Variants in LPCAT3 observed in about 807,000 individuals in gnomAD.
LPCAT3 encodes the protein lysophospholipid acyltransferase 5.
Under a neutral mutation model 63.4 loss-of-function variants are expected in LPCAT3, and 21 were observed. The ratio of observed to expected loss-of-function variants is 0.33; its 90% CI spans 0.23 to 0.48. The LOEUF is 0.48. LPCAT3 is among the 20% of genes least tolerant of loss of function. The pLI, the probability that LPCAT3 is intolerant of heterozygous loss-of-function variation, is 0.99. For synonymous variants in LPCAT3, 242 were observed against 227.5 expected, an observed-to-expected ratio of 1.06 and a Z score of -0.58; for missense variants, 451 against 590.6, an observed-to-expected ratio of 0.76 and a Z score of 2.45.
intron 1 of LPCAT3, among the ~76,000 whole-genome samples, chr12:6,996,022 T>C (rs1397049590): frequency 2.6e-5 from 4 of 152,176 alleles, no homozygotes; most frequent in African/African-American, 9.7e-5. Context: ...AGTCAGCAGG[T>C]CACTCCTCTG....
At chr12:6,995,535 C>T (rs1016663853) in intron 1 of LPCAT3, among the ~76,000 whole-genome samples, 1 of 151,932 alleles carries the variant, frequency 6.6e-6, no homozygotes, top group African/African-American at 2.4e-5. Context: ...GTCATGAAAT[C>T]CTGTTGATTC....
At chr12:6,982,831 C>T (rs1565598744) in intron 2 of LPCAT3, 49 bp from the exon 3 acceptor site, 3 of 1,211,460 alleles carry the variant, frequency 2.5e-6, no homozygotes, top group Admixed American at 1.8e-5. Flanking sequence ...CTCCCACCGT[C>T]CTGAGACTTC....
At chr12:6,990,688 C>G (rs782424912) in intron 1 of LPCAT3, among the ~76,000 whole-genome samples, 2 of 150,944 alleles carry the variant, frequency 1.3e-5, no homozygotes, top group Non-Finnish European at 3.0e-5. Context: ...TTTGGGAGGC[C>G]GAGGTGGGTG....
At chr12:7,002,179 T>C (rs1946692760) in intron 1 of LPCAT3, among the ~76,000 whole-genome samples, 1 of 152,106 alleles carries the variant, frequency 6.6e-6, no homozygotes, top group African/African-American at 2.4e-5. Context: ...CCTTCTGATC[T>C]TTCTCTCCTG....
In LPCAT3 at chr12:7,018,296, C is replaced by T. The variant is rs1468971856; in HGVS notation, c.129G>A (p.Arg43=). The change falls in exon 1 of 13, where the codon CGG becomes CGA. Residue 43 remains arginine, a synonymous_variant. Transcript: ENST00000261407. The surrounding 1 kb of genome is among the most constrained non-coding windows in gnomAD (Gnocchi z 4.9). ...TACCCAGGAAGATGGAGATGATCAGCCGCAGCGCCTGTTCTGACGCGCCCA... is the reference window on the plus strand; with the variant it reads ...TACCCAGGAAGATGGAGATGATCAGTCGCAGCGCCTGTTCTGACGCGCCCA... ...TSLGASEQAL[R]LIISIFLGYP... 4.4e-6 allele frequency: 7 copies of T among 1,605,580 alleles called. No homozygotes were observed. Among genetic ancestry groups the T allele is most frequent in the Non-Finnish European group, 5.9e-6 (7 of 1,176,472 alleles).
intron 1 of LPCAT3, among the ~76,000 whole-genome samples, chr12:7,010,315 A>C (rs1946753245): frequency 6.6e-6 from 1 of 152,178 alleles, no homozygotes; most frequent in Admixed American, 6.5e-5. Context: ...GTAGCTGGAA[A>C]GCTCCTCCGC....
Position 6,987,647 on chromosome 12 carries a change from C to T in LPCAT3, c.152-4108G>A. 1 of 394,540 alleles carries T rather than the reference C, an allele frequency of 2.5e-6. No individual in the cohort carries two copies. 24.4% of individuals were successfully genotyped at this position (394,540 alleles called of 1,614,324 possible). On this transcript the variant is annotated intron_variant, in intron 1 of 12. Coordinates refer to ENST00000261407, the MANE Select transcript of LPCAT3 (RefSeq NM_005768.6). The surrounding 1 kb of genome is among the most constrained non-coding windows in gnomAD (Gnocchi z 4.1). ...ACAGTAGATAATTATCTAGAGCACT[C>T]ATAAATAAGTTCTAGGTAGCTAAGT...
At chr12:7,010,912 A>G (rs191549305) in intron 1 of LPCAT3, among the ~76,000 whole-genome samples, 2 of 152,106 alleles carry the variant, frequency 1.3e-5, no homozygotes, top group East Asian at 3.9e-4. Context: ...ATCATAGTTC[A>G]CTGCAGTCTC....
intron 1 of LPCAT3, among the ~76,000 whole-genome samples, chr12:6,995,167 C>T (rs1173328852): frequency 5.3e-5 from 8 of 150,362 alleles, no homozygotes; most frequent in African/African-American, 2.0e-4. Context: ...CTCCAGGTCA[C>T]ACAACATTCA....
chr12:7,015,261 T>C (rs1490941758), intron 1 of LPCAT3, among the ~76,000 whole-genome samples: 2 of 152,250 alleles, frequency 1.3e-5, no homozygotes, highest in African/African-American at 4.8e-5. Flanking sequence ...AACTCTTCCC[T>C]TGGGGTATTT....
At chr12:6,999,715 AGGCACTTTAAGACATCTAAAT>A (rs1331308429) in intron 1 of LPCAT3, among the ~76,000 whole-genome samples, 1 of 152,208 alleles carries the variant, frequency 6.6e-6, no homozygotes, top group African/African-American at 2.4e-5. Flanking sequence ...CAACAGATTG[AGGCACTTTAAGACATCTAAAT>A]GGCTTTACTA....
intron 1 of LPCAT3, among the ~76,000 whole-genome samples, chr12:6,995,499 T>A (rs192860423): frequency 6.6e-6 from 1 of 151,934 alleles, no homozygotes; most frequent in East Asian, 1.9e-4. Flanking sequence ...GTGTTTTCCT[T>A]CTTCATATTG....
chr12:7,004,969 A>G (rs748708087), intron 1 of LPCAT3, among the ~76,000 whole-genome samples: 1 of 152,056 alleles, frequency 6.6e-6, no homozygotes, highest in Non-Finnish European at 1.5e-5. Context: ...TAAGTGTACA[A>G]TTCAGTGGAT....
At chr12:6,980,294 T>C (rs1397487400) in intron 6 of LPCAT3, among the ~76,000 whole-genome samples, 2 of 151,804 alleles carry the variant, frequency 1.3e-5, no homozygotes, top group African/African-American at 4.8e-5. Context: ...CCTCCTGCCT[T>C]GGCCTCCCAG....
intron 1 of LPCAT3, among the ~76,000 whole-genome samples, chr12:7,015,171 T>TA (rs1228324085): frequency 6.6e-6 from 1 of 152,094 alleles, no homozygotes; most frequent in Non-Finnish European, 1.5e-5. Flanking sequence ...AGAACTGAAG[T>TA]AAAAAAAGTA....
Position 6,977,104 on chromosome 12 carries a change from G to T in LPCAT3, c.*12+30C>A. 1 of 1,292,184 alleles carries T rather than the reference G, an allele frequency of 7.7e-7. No homozygotes were observed. 80.0% of individuals were successfully genotyped at this position (1,292,184 alleles called of 1,614,324 possible). ...CTGTTGCTCTATTCTGTAACCTGGT[G>T]GTAGTTTTAGTTTAGCTGTATTAAC... On this transcript the variant is annotated intron_variant, in intron 12 of 12. Coordinates refer to ENST00000261407, the MANE Select transcript of LPCAT3 (RefSeq NM_005768.6). The surrounding 1 kb of genome is among the most constrained non-coding windows in gnomAD (Gnocchi z 4.5).
intron 1 of LPCAT3, chr12:7,001,516 T>G (rs1555156501): frequency 4.4e-6 from 2 of 455,984 alleles, no homozygotes; most frequent in African/African-American, 4.0e-5. Context: ...CCAGATTAGT[T>G]CCGGTGAGGC....
intron 1 of LPCAT3, among the ~76,000 whole-genome samples, chr12:7,003,718 C>G (rs914955996): frequency 6.6e-6 from 1 of 151,178 alleles, no homozygotes; most frequent in Non-Finnish European, 1.5e-5. Context: ...GTCAGGAGAT[C>G]GAGACCATCC....
At chr12:7,005,309 G>T (rs1946718563) in intron 1 of LPCAT3, among the ~76,000 whole-genome samples, 1 of 152,176 alleles carries the variant, frequency 6.6e-6, no homozygotes, top group Non-Finnish European at 1.5e-5. Context: ...TCCATTGTGT[G>T]GATATAACAT....
Sources: allele counts gnomAD v4.1 joint callset (sites outside exome capture counted in the v4.1 genomes callset), GRCh38; gene constraint gnomAD v4.1.1; non-coding constraint Gnocchi (gnomAD v3.1); transcripts MANE v1.5; gene names NCBI Gene and HGNC (gene_info 2026-07-23, HGNC 2026-07-21).